Variants in IHO1 observed in about 807,000 individuals in gnomAD.
The protein encoded by IHO1 is interactor of HORMAD1 protein 1.
IHO1 carries 13 observed loss-of-function variants against 31.0 expected under a neutral mutation model. The observed-to-expected ratio is 0.42, with a 90% CI of 0.27 to 0.67. The LOEUF (loss-of-function observed/expected upper bound fraction) is 0.67. Among genes scored for constraint, IHO1 ranks in the 30% least tolerant of loss-of-function variants. IHO1 has a pLI of 0.24. For missense variants in IHO1, 599 were observed against 687.5 expected (o/e 0.87, Z 1.44); for synonymous variants, 221 against 248.4 (o/e 0.89, Z 1.04).
At chr3:49,234,159 G>GTTTTTTTTTTTT (rs1256914455) in intron 2 of IHO1, among the ~76,000 whole-genome samples, 1 of 74,832 alleles carries the variant, frequency 1.3e-5, no homozygotes, top group Admixed American at 1.7e-4. Flanking sequence ...GTCTTTTGTT[G>GTTTTTTTTTTTT]TTGTTTTTTT....
At chr3:49,247,657 C>T (rs907924137) in intron 6 of IHO1, among the ~76,000 whole-genome samples, 2 of 151,796 alleles carry the variant, frequency 1.3e-5, no homozygotes, top group African/African-American at 2.4e-5. Context: ...GGGCATGGGA[C>T]ATATGCCTGT....
chr3:49,219,244 C>A (rs1361993919), intron 2 of IHO1, among the ~76,000 whole-genome samples: 3 of 152,174 alleles, frequency 2.0e-5, no homozygotes, highest in Non-Finnish European at 4.4e-5. Context: ...TTGACGCCCA[C>A]GCTGAAGGTG....
At chr3:49,241,590 G>T (rs1333256628) in intron 4 of IHO1, among the ~76,000 whole-genome samples, 2 of 151,518 alleles carry the variant, frequency 1.3e-5, no homozygotes, top group Non-Finnish European at 2.9e-5. Context: ...CAGAGAAAGA[G>T]GGAGAAAGAG....
the IHO1 span, chr3:49,191,688 G>T: frequency 1.9e-6 from 3 of 1,568,472 alleles, no homozygotes; most frequent in Non-Finnish European, 1.7e-6. Flanking sequence ...GACTCAGTCA[G>T]ATTTCAGGTA....
intron 1 of IHO1, among the ~76,000 whole-genome samples, chr3:49,204,799 C>A (rs1381200988): frequency 2.0e-5 from 3 of 151,696 alleles, no homozygotes; most frequent in Admixed American, 6.6e-5. Context: ...CTGATGTGGG[C>A]AGATCACAAG....
intron 2 of IHO1, among the ~76,000 whole-genome samples, chr3:49,225,248 C>T (rs1005349852): frequency 1.3e-5 from 2 of 152,098 alleles, no homozygotes; most frequent in Non-Finnish European, 2.9e-5. Flanking sequence ...GGCAGATCAT[C>T]AGGTCAGGAG....
At chr3:49,226,623 C>T (rs1473937029) in intron 2 of IHO1, among the ~76,000 whole-genome samples, 1 of 150,528 alleles carries the variant, frequency 6.6e-6, no homozygotes, top group Non-Finnish European at 1.5e-5. Context: ...GAATTTGTCC[C>T]TTTCTTCAGC....
rs182557201 is a variant in IHO1, at chr3:49,220,085, C to G, written c.56+8249C>G. ...GAGCAGCACCTTGAGCAACTGCTCT[C>G]AGTTCTATTCAGGCAGGAATTCAGC... On this transcript the variant is annotated intron_variant, in intron 2 of 7. Coordinates refer to ENST00000452691, the MANE Select transcript of IHO1 (RefSeq NM_001135197.2). Among the ~76,000 whole-genome samples the G allele has an allele frequency of 5.3e-5, 8 of 152,290 alleles. No homozygotes were observed. In the East Asian group the frequency reaches 1.5e-3, roughly 29 times the overall value.
At chr3:49,209,303 C>T (rs1396584236) in intron 1 of IHO1, among the ~76,000 whole-genome samples, 1 of 152,160 alleles carries the variant, frequency 6.6e-6, no homozygotes, top group African/African-American at 2.4e-5. Context: ...GATGCTGGCA[C>T]ACTGTCAGAT....
intron 2 of IHO1, among the ~76,000 whole-genome samples, chr3:49,221,925 G>A (rs193164659): frequency 2.6e-5 from 4 of 152,270 alleles, no homozygotes; most frequent in Admixed American, 6.5e-5. Context: ...TATAAACGCC[G>A]GGTGGCATCT....
intron 2 of IHO1, among the ~76,000 whole-genome samples, chr3:49,221,257 G>A (rs2046352522): frequency 6.6e-6 from 1 of 152,128 alleles, no homozygotes; most frequent in South Asian, 2.1e-4. Context: ...GCTGATTGGT[G>A]CGTTTACAAT....
chr3:49,241,163 A>G, intron 3 of IHO1, 63 bp from the exon 4 acceptor site: 1 of 1,382,210 alleles, frequency 7.2e-7, no homozygotes, highest in Non-Finnish European at 9.8e-7. Flanking sequence ...CATTGTACAG[A>G]AAATAGTGAA....
At chr3:49,208,002 G>T (rs1475751576) in intron 1 of IHO1, among the ~76,000 whole-genome samples, 1 of 152,042 alleles carries the variant, frequency 6.6e-6, no homozygotes, top group Non-Finnish European at 1.5e-5. Context: ...TCGATCTCCT[G>T]ACCTTTTGAT....
At position 49,244,672 on chromosome 3, in the gene IHO1, G is replaced by A; in HGVS notation, c.471G>A (p.Glu157=). 1.9e-6 allele frequency: 3 copies of A among 1,613,996 alleles called. No individual in the cohort carries two copies. Among genetic ancestry groups the A allele is most frequent in the Non-Finnish European group, 2.5e-6 (3 of 1,179,872 alleles). ...LRLQTSVEKS[E]DHLSSRSQSI... ...TGCAGACGTCTGTGGAAAAGTCTGA[G>A]GACCATCTCAGTTCAAGAAGCCAAT... Residue 157 remains glutamate, a synonymous_variant, in exon 6 of 8, where the codon GAG becomes GAA. Transcript: ENST00000452691.
intron 2 of IHO1, among the ~76,000 whole-genome samples, chr3:49,235,515 A>G (rs1180049287): frequency 6.6e-6 from 1 of 151,922 alleles, no homozygotes; most frequent in Admixed American, 6.6e-5. Context: ...GGCGTGAGCC[A>G]CCGCACCCGG....
upstream of IHO1, among the ~76,000 whole-genome samples, chr3:49,197,585 G>A (rs1017282596): frequency 5.3e-5 from 8 of 152,036 alleles, no homozygotes; most frequent in African/African-American, 1.9e-4. Flanking sequence ...CATCAAGAGA[G>A]TAAATATGGC....
At chr3:49,236,508 T>A in intron 2 of IHO1, 40 bp from the exon 3 acceptor site, 1 of 1,417,176 alleles carries the variant, frequency 7.1e-7, no homozygotes, top group South Asian at 1.2e-5. Context: ...TTGTTCAGGA[T>A]ATTTGTCTAT....
the IHO1 span, among the ~76,000 whole-genome samples, chr3:49,192,482 C>T: frequency 6.6e-6 from 1 of 152,216 alleles, no homozygotes; most frequent in Non-Finnish European, 1.5e-5. Flanking sequence ...AGCCTCTAAA[C>T]ATGTGCCAGT....
At chr3:49,250,462 TCAAA>T (rs1391517710) in intron 6 of IHO1, among the ~76,000 whole-genome samples, 1 of 152,210 alleles carries the variant, frequency 6.6e-6, no homozygotes, top group Non-Finnish European at 1.5e-5. Context: ...TAATCCAGAA[TCAAA>T]CACTTTGCTT....
Sources: gnomAD v4.1 joint callset for allele counts (sites outside exome capture counted in the v4.1 genomes callset) on GRCh38, gnomAD v4.1.1 for gene constraint, MANE v1.5 for transcripts, NCBI Gene and HGNC (gene_info 2026-07-23, HGNC 2026-07-21) for gene names.